The following MYOF variants were observed in gnomAD, a reference collection of about 807,000 sequenced individuals.
MYOF encodes fer-1-like 3, myoferlin.
Under a neutral mutation model 284.2 loss-of-function variants are expected in MYOF, and 244 were observed. The ratio of observed to expected loss-of-function variants is 0.86; its 90% CI spans 0.77 to 0.95. The LOEUF (loss-of-function observed/expected upper bound fraction) is 0.95, where lower values mean the gene tolerates loss of function less well. MYOF is among the 40% of genes least tolerant of loss of function. The probability of loss-of-function intolerance (pLI) is 0.00; values close to 1 mark genes in which losing one functional copy is unlikely to be tolerated. For missense variants in MYOF, 2,496 were observed against 2,560.6 expected, an observed-to-expected ratio of 0.97 and a Z score of 0.54; for synonymous variants, 904 against 919.7, an observed-to-expected ratio of 0.98 and a Z score of 0.31.
intron 1 of MYOF, among the ~76,000 whole-genome samples, chr10:93,465,538 C>CTTTTTTTTTTTTTTTTTTTTTTTTTTTTT (rs71031511): frequency 1.8e-5 from 2 of 112,164 alleles, no homozygotes; most frequent in African/African-American, 3.3e-5. Flanking sequence ...TTTTTCTTTT[C>CTTTTTTTTTTTTTTTTTTTTTTTTTTTTT]TTTTTTTTTT....
intron 50 of MYOF, among the ~76,000 whole-genome samples, chr10:93,313,665 C>T (rs1842489155): frequency 6.6e-6 from 1 of 152,072 alleles, no homozygotes; most frequent in Admixed American, 6.6e-5. Flanking sequence ...CTTTGGGAGG[C>T]TGAGGTGGGC....
chr10:93,337,515 T>C (rs1441929828), intron 40 of MYOF: 1 of 313,944 alleles, frequency 3.2e-6, no homozygotes, highest in Non-Finnish European at 5.8e-6. Flanking sequence ...TTTCCCTGAG[T>C]CAAACTGGAT....
intron 1 of MYOF, among the ~76,000 whole-genome samples, chr10:93,468,221 T>C (rs377252780): frequency 1.3e-5 from 2 of 152,330 alleles, no homozygotes; most frequent in African/African-American, 4.8e-5. Context: ...TTCTGACTAG[T>C]ATATTTCACA....
chr10:93,310,775 C>G, intron 51 of MYOF, 132 bp from the exon 52 acceptor site: 1 of 804,946 alleles, frequency 1.2e-6, no homozygotes, highest in South Asian at 1.9e-5. Flanking sequence ...TTCAGTTTTC[C>G]TCAAGAGATT....
intron 29 of MYOF, 73 bp downstream of exon 29, chr10:93,359,760 G>T (rs1844979753): frequency 1.3e-6 from 2 of 1,579,772 alleles, no homozygotes; most frequent in Admixed American, 3.5e-5. Flanking sequence ...TGCAGAAATG[G>T]CTAGTTAGCT....
intron 4 of MYOF, among the ~76,000 whole-genome samples, chr10:93,430,695 A>G (rs1041434172): frequency 4.6e-5 from 7 of 152,204 alleles, no homozygotes; most frequent in Non-Finnish European, 1.0e-4. Flanking sequence ...AGAATTATAC[A>G]TAACCACACA....
intron 5 of MYOF, among the ~76,000 whole-genome samples, chr10:93,414,790 CT>C (rs1189450588): frequency 6.6e-6 from 1 of 152,014 alleles, no homozygotes; most frequent in Non-Finnish European, 1.5e-5. Flanking sequence ...GTCATCCAGG[CT>C]GGAGTGTAGT....
At chr10:93,461,134 G>A (rs1170170732) in intron 1 of MYOF, among the ~76,000 whole-genome samples, 1 of 151,914 alleles carries the variant, frequency 6.6e-6, no homozygotes, top group East Asian at 1.9e-4. Flanking sequence ...GCTCCACCAG[G>A]CTTTTGCCTG....
At chr10:93,415,676 A>G (rs1307860306) in intron 5 of MYOF, among the ~76,000 whole-genome samples, 1 of 152,150 alleles carries the variant, frequency 6.6e-6, no homozygotes, top group Non-Finnish European at 1.5e-5. Flanking sequence ...CTCTCCTGCT[A>G]CAATTAGTCA....
At chr10:93,462,313 G>A (rs971160863) in intron 1 of MYOF, among the ~76,000 whole-genome samples, 3 of 151,982 alleles carry the variant, frequency 2.0e-5, no homozygotes, top group African/African-American at 7.3e-5. Flanking sequence ...CAAGTGATCC[G>A]CTCACCTCGG....
chr10:93,350,124 G>A (rs1465009040), intron 35 of MYOF, among the ~76,000 whole-genome samples, 155 bp from the exon 36 acceptor site: 1 of 152,056 alleles, frequency 6.6e-6, no homozygotes, highest in African/African-American at 2.4e-5. Context: ...AAGTGGTTTT[G>A]CCCCTTTCTT....
Position 93,342,049 on chromosome 10 carries a change from G to T in MYOF, c.4326+1807C>A, listed in dbSNP as rs1333272905. Reference sequence around the variant, plus strand: ...GGCTAGCACTTGACCAATTTTCCCCGAAGACTTATTTCTCACTTTTCTTGT... The same window carrying T: ...GGCTAGCACTTGACCAATTTTCCCCTAAGACTTATTTCTCACTTTTCTTGT... On this transcript the variant is annotated intron_variant, in intron 38 of 53. Transcript: ENST00000359263. The T allele has an allele frequency of 1.0e-5, 10 of 995,960 alleles. No individual in the cohort carries two copies. In the East Asian group the frequency reaches 2.5e-4, roughly 25 times the overall value. The allele number at this position is 995,960 out of a possible 1,614,324, so 61.7% of individuals were successfully genotyped here.
At chr10:93,469,128 G>A (rs2057079089) in intron 1 of MYOF, among the ~76,000 whole-genome samples, 1 of 152,192 alleles carries the variant, frequency 6.6e-6, no homozygotes, top group African/African-American at 2.4e-5. Context: ...AGCCAGGTAT[G>A]GTGGCTCACG....
intron 1 of MYOF, among the ~76,000 whole-genome samples, chr10:93,481,648 A>T (rs1423050982): frequency 6.6e-6 from 1 of 152,170 alleles, no homozygotes; most frequent in Non-Finnish European, 1.5e-5. Flanking sequence ...AACTTCACCC[A>T]TCCCACCTCC....
intron 3 of MYOF, among the ~76,000 whole-genome samples, chr10:93,439,729 T>A (rs955861846): frequency 1.3e-5 from 2 of 152,206 alleles, no homozygotes; most frequent in Admixed American, 6.5e-5. Flanking sequence ...ACAGTCACCT[T>A]GTATTATTAT....
chr10:93,448,577 G>T (rs956754472), intron 3 of MYOF, among the ~76,000 whole-genome samples: 1 of 152,188 alleles, frequency 6.6e-6, no homozygotes, highest in Non-Finnish European at 1.5e-5. Context: ...TGCTAAAATA[G>T]ATAAGGCATA....
At chr10:93,312,393 T>C (rs1335117358) in intron 51 of MYOF, among the ~76,000 whole-genome samples, 1 of 152,152 alleles carries the variant, frequency 6.6e-6, no homozygotes, top group Non-Finnish European at 1.5e-5. Context: ...TCACCCAGGC[T>C]GGAGTACAGT....
intron 3 of MYOF, among the ~76,000 whole-genome samples, chr10:93,447,074 C>T (rs1019417200): frequency 1.2e-4 from 18 of 152,128 alleles, no homozygotes; most frequent in African/African-American, 4.3e-4. Flanking sequence ...TAGCTCAGCA[C>T]GATGCATGGT....
chr10:93,447,134 C>CT (rs1174140113), intron 3 of MYOF, among the ~76,000 whole-genome samples: 1 of 152,190 alleles, frequency 6.6e-6, no homozygotes, highest in Non-Finnish European at 1.5e-5. Flanking sequence ...ATCATATTTT[C>CT]TTTGTTCAGA....
Sources: allele counts gnomAD v4.1 joint callset (sites outside exome capture counted in the v4.1 genomes callset), GRCh38; gene constraint gnomAD v4.1.1; transcripts MANE v1.5; gene names NCBI Gene and HGNC (gene_info 2026-07-23, HGNC 2026-07-21).